STXBP4: variants seen among roughly 807,000 people sequenced by gnomAD.
STXBP4 encodes syntaxin binding protein 4.
In STXBP4, 55 loss-of-function variants were observed where a neutral mutation model predicts 76.1. The observed-to-expected ratio is 0.72, with a 90% CI of 0.58 to 0.91. The LOEUF (loss-of-function observed/expected upper bound fraction) is 0.91, where lower values mean the gene tolerates loss of function less well. Ranked by LOEUF, STXBP4 falls within the 40% of genes least tolerant of loss-of-function variation. The pLI is 0.00. For missense variants in STXBP4, 618 were observed against 636.9 expected, an observed-to-expected ratio of 0.97 and a Z score of 0.32; for synonymous variants, 201 against 220.2, an observed-to-expected ratio of 0.91 and a Z score of 0.77.
chr17:55,174,503 C>A (rs1305113072), downstream of STXBP4, among the ~76,000 whole-genome samples: 3 of 152,200 alleles, frequency 2.0e-5, no homozygotes, highest in African/African-American at 7.2e-5. Context: ...GATGAAATTT[C>A]TGTTCAAATA....
chr17:55,073,043 G>A lies in STXBP4; in HGVS notation c.1155G>A (p.Lys385=). 6.2e-7 allele frequency: 1 copy of A among 1,613,844 alleles called. No homozygotes were observed. Among genetic ancestry groups the A allele is most frequent in the South Asian group, 1.1e-5 (1 of 91,018 alleles). ...TAGAGGCCAAGATTACAGAGCTAAA[G>A]GCTCAGCTTGCTGATTATTCTGACC... ...RLLEAKITEL[K]AQLADYSDQN... The change falls in exon 13 of 18, where the codon AAG becomes AAA. Residue 385 remains lysine, a synonymous_variant. Coordinates refer to ENST00000376352, the MANE Select transcript of STXBP4 (RefSeq NM_178509.6).
the STXBP4 span, among the ~76,000 whole-genome samples, chr17:55,201,809 G>C: frequency 6.6e-6 from 1 of 152,210 alleles, no homozygotes; most frequent in Non-Finnish European, 1.5e-5. Flanking sequence ...TGCTCCACGA[G>C]CAAGAACCCA....
At chr17:55,180,642 T>A in the STXBP4 span, among the ~76,000 whole-genome samples, 4 of 152,200 alleles carry the variant, frequency 2.6e-5, no homozygotes, top group Non-Finnish European at 5.9e-5. Context: ...TGAAACAGAA[T>A]CAGAATTGAA....
At chr17:54,991,107 C>A in intron 4 of STXBP4, 150 bp downstream of exon 4, 1 of 755,890 alleles carries the variant, frequency 1.3e-6, no homozygotes, top group Non-Finnish European at 1.9e-6. Context: ...AGACTATTGC[C>A]CTCAAGGAGC....
At chr17:55,084,072 G>T (rs1184449729) in intron 16 of STXBP4, among the ~76,000 whole-genome samples, 1 of 152,044 alleles carries the variant, frequency 6.6e-6, no homozygotes, top group African/African-American at 2.4e-5. Context: ...TTCCACAATG[G>T]TTGAACTAGT....
chr17:55,025,615 A>G (rs2078397361), intron 8 of STXBP4, among the ~76,000 whole-genome samples: 1 of 152,350 alleles, frequency 6.6e-6, no homozygotes, highest in Admixed American at 6.5e-5. Context: ...TACCCAATAA[A>G]CTAACAATAG....
At chr17:55,212,398 A>C in the STXBP4 span, among the ~76,000 whole-genome samples, 1 of 152,232 alleles carries the variant, frequency 6.6e-6, no homozygotes, top group Non-Finnish European at 1.5e-5. Context: ...TGAGGATAAT[A>C]ATTCTTAGGT....
At chr17:55,185,317 CCTT>C in the STXBP4 span, among the ~76,000 whole-genome samples, 3 of 137,686 alleles carry the variant, frequency 2.2e-5, no homozygotes, top group African/African-American at 8.8e-5. Flanking sequence ...TTCTCCTTCT[CCTT>C]CTCCTTCTCC....
the STXBP4 span, among the ~76,000 whole-genome samples, chr17:55,197,935 A>G: frequency 2.0e-5 from 3 of 152,280 alleles, no homozygotes; most frequent in Admixed American, 6.5e-5. Context: ...GGAGTTTTAA[A>G]CAAAGAATTG....
intron 16 of STXBP4, among the ~76,000 whole-genome samples, chr17:55,122,216 T>C (rs2079853029): frequency 6.6e-6 from 1 of 152,238 alleles, no homozygotes; most frequent in Admixed American, 6.5e-5. Flanking sequence ...GCCTGAGCTG[T>C]GTACCAGAAA....
the STXBP4 span, among the ~76,000 whole-genome samples, chr17:55,181,960 T>C: frequency 6.6e-6 from 1 of 152,194 alleles, no homozygotes; most frequent in East Asian, 1.9e-4. Flanking sequence ...AAGTGGAAGA[T>C]TAACCCTTGC....
At chr17:55,113,148 A>T (rs757461617) in intron 16 of STXBP4, among the ~76,000 whole-genome samples, 1 of 151,772 alleles carries the variant, frequency 6.6e-6, no homozygotes, top group East Asian at 1.9e-4. Context: ...AAGATACAGG[A>T]TTAAGAAAAA....
At chr17:55,000,226 A>G in intron 6 of STXBP4, 2 of 985,334 alleles carry the variant, frequency 2.0e-6, no homozygotes, top group Non-Finnish European at 2.4e-6. Context: ...CTTCTTTCCC[A>G]CACAGTGAGG....
At position 55,068,618 on chromosome 17, in the gene STXBP4, G is replaced by T. The variant is rs187025999; in HGVS notation, c.1012-4282G>T. The stretch of plus-strand genomic sequence containing the variant: ...AGGAAAACCCTTAATAAATTATTTT[G>T]TCTAGCTCTTTGATCACACAGGTGA... On this transcript the variant is annotated intron_variant, in intron 12 of 17. Transcript: ENST00000376352. Among the ~76,000 whole-genome samples the T allele has an allele frequency of 9.9e-5, 15 of 152,162 alleles. No individual in the cohort carries two copies. In the East Asian group the frequency reaches 2.7e-3, roughly 27 times the overall value.
At chr17:55,132,432 G>A (rs2079983173) in intron 16 of STXBP4, among the ~76,000 whole-genome samples, 1 of 151,950 alleles carries the variant, frequency 6.6e-6, no homozygotes, top group South Asian at 2.1e-4. Context: ...CTCATGATCT[G>A]CCCTCCTCAG....
At chr17:54,973,363 TCTTTA>T (rs1030426142) in intron 1 of STXBP4, among the ~76,000 whole-genome samples, 1 of 152,244 alleles carries the variant, frequency 6.6e-6, no homozygotes, top group African/African-American at 2.4e-5. Context: ...AGGAAATATT[TCTTTA>T]CTTTTGTCTC....
chr17:55,142,598 A>G (rs10491157), intron 17 of STXBP4, among the ~76,000 whole-genome samples: 11,083 of 152,162 alleles, frequency 0.073, 762 homozygotes, highest in East Asian at 0.2. Context: ...ATAAATAGCC[A>G]TCATGAATTT....
chr17:54,985,949 T>C (rs1460071626), intron 2 of STXBP4, among the ~76,000 whole-genome samples, 193 bp from the exon 3 acceptor site: 1 of 152,216 alleles, frequency 6.6e-6, no homozygotes, highest in Non-Finnish European at 1.5e-5. Context: ...TCTAATGAGC[T>C]GTCTTTACAC....
At chr17:55,176,632 A>C (rs535533574), downstream of STXBP4, among the ~76,000 whole-genome samples, 1 of 152,336 alleles carries the variant, frequency 6.6e-6, no homozygotes, top group East Asian at 1.9e-4. Context: ...TTTATGTGTC[A>C]GTTTTACTGT....
Sources: gnomAD v4.1 joint callset for allele counts (sites outside exome capture counted in the v4.1 genomes callset) on GRCh38, gnomAD v4.1.1 for gene constraint, MANE v1.5 for transcripts, NCBI Gene and HGNC (gene_info 2026-07-23, HGNC 2026-07-21) for gene names.